The following CPNE4 variants were observed in gnomAD, a reference collection of about 807,000 sequenced individuals.
The protein encoded by CPNE4 is copine-4.
A neutral mutation model predicts 67.9 loss-of-function variants in CPNE4; 25 were observed. The observed-to-expected ratio is 0.37, with a 90% CI of 0.27 to 0.51. CPNE4 has a LOEUF of 0.51. Ranked by LOEUF, CPNE4 falls within the 20% of genes least tolerant of loss-of-function variation. The pLI is 0.93. For synonymous variants in CPNE4, 242 were observed against 244.9 expected (o/e 0.99, Z 0.11); for missense variants, 464 against 690.8 (o/e 0.67, Z 3.68).
At chr3:131,785,866 C>T (rs1223900887) in intron 2 of CPNE4, among the ~76,000 whole-genome samples, 1 of 152,080 alleles carries the variant, frequency 6.6e-6, no homozygotes, top group East Asian at 1.9e-4. Flanking sequence ...TTCTAGGATA[C>T]ATGTTTTATA....
chr3:131,685,789 C>T, intron 6 of CPNE4, 86 bp downstream of exon 6: 1 of 892,648 alleles, frequency 1.1e-6, no homozygotes, highest in Non-Finnish European at 1.8e-6. Context: ...TCAACACACA[C>T]ACACACACAA....
intron 1 of CPNE4, among the ~76,000 whole-genome samples, chr3:131,965,892 A>C (rs1053520912): frequency 2.0e-5 from 3 of 152,190 alleles, no homozygotes; most frequent in Non-Finnish European, 2.9e-5. Flanking sequence ...ACATCTACAG[A>C]ACTCTCCACT....
chr3:132,002,404 T>C (rs1307871992), intron 1 of CPNE4, among the ~76,000 whole-genome samples: 2 of 152,188 alleles, frequency 1.3e-5, no homozygotes, highest in Non-Finnish European at 2.9e-5. Context: ...TCAAGAAGAA[T>C]ACAAGGCAGT....
At chr3:131,575,253 T>TGATGTC in intron 9 of CPNE4, 123 bp from the exon 10 acceptor site, 1 of 763,108 alleles carries the variant, frequency 1.3e-6, no homozygotes, top group Non-Finnish European at 2.2e-6. Flanking sequence ...ACAGACATCA[T>TGATGTC]TGAAAAAAGA....
intron 1 of CPNE4, among the ~76,000 whole-genome samples, chr3:131,950,149 G>A (rs2071680097): frequency 6.6e-6 from 1 of 152,096 alleles, no homozygotes; most frequent in Admixed American, 6.6e-5. Flanking sequence ...AAAAACTTCT[G>A]GTCACAATAT....
intron 2 of CPNE4, among the ~76,000 whole-genome samples, chr3:131,751,149 T>C (rs2082615061): frequency 1.3e-5 from 2 of 152,290 alleles, no homozygotes; most frequent in South Asian, 4.1e-4. Context: ...TTTACCCTGC[T>C]TGAAGTTTCA....
intron 6 of CPNE4, among the ~76,000 whole-genome samples, chr3:131,682,155 T>A (rs929438082): frequency 6.6e-6 from 1 of 152,138 alleles, no homozygotes; most frequent in Non-Finnish European, 1.5e-5. Context: ...GTTTGTTTGT[T>A]GAGGGCATGT....
chr3:131,907,343 C>A (rs1386749614), intron 1 of CPNE4, among the ~76,000 whole-genome samples: 1 of 152,158 alleles, frequency 6.6e-6, no homozygotes, highest in Non-Finnish European at 1.5e-5. Flanking sequence ...ATTTCTTCAT[C>A]TATAAAATGG....
At chr3:131,963,583 G>C (rs112595455) in intron 1 of CPNE4, among the ~76,000 whole-genome samples, 4 of 152,326 alleles carry the variant, frequency 2.6e-5, no homozygotes, top group African/African-American at 9.6e-5. Flanking sequence ...ACTGAGGCTT[G>C]AGTAGGTGGT....
chr3:131,958,241 T>C (rs1028937908), intron 1 of CPNE4, among the ~76,000 whole-genome samples: 4 of 152,198 alleles, frequency 2.6e-5, no homozygotes, highest in African/African-American at 4.8e-5. Flanking sequence ...GAGCAATAAA[T>C]AGCTCAGAGA....
intron 1 of CPNE4, among the ~76,000 whole-genome samples, chr3:131,909,598 A>C (rs758201688): frequency 5.9e-5 from 9 of 152,166 alleles, no homozygotes; most frequent in Admixed American, 6.6e-5. Flanking sequence ...AATGTAAAAA[A>C]AAATAATGTA....
At chr3:131,641,060 G>A (rs1261558771) in intron 7 of CPNE4, among the ~76,000 whole-genome samples, 1 of 151,974 alleles carries the variant, frequency 6.6e-6, no homozygotes, top group Admixed American at 6.6e-5. Flanking sequence ...AATCCATGAG[G>A]ACTGTAGAAG....
intron 2 of CPNE4, among the ~76,000 whole-genome samples, chr3:131,801,832 G>C (rs866277315): frequency 8.0e-6 from 1 of 124,818 alleles, no homozygotes; most frequent in African/African-American, 3.0e-5. Context: ...ACATTGCCTA[G>C]TGGCAATGCC....
Position 131,588,840 on chromosome 3 carries a change from C to G in CPNE4, c.682-1258G>C, listed in dbSNP as rs78048152. 6.4e-3 allele frequency among the ~76,000 whole-genome samples: 980 copies of G among 152,304 alleles called. 12 individuals are homozygous for G. The highest frequency in any genetic ancestry group is 0.023 in the African/African-American group (937 of 41,550). ...TATGGCTTGACTCCAGCACTTCTGT[C>G]TATTCCTACTGCTCCTTCTCATCTG... On this transcript the variant is annotated intron_variant, in intron 7 of 15. Coordinates refer to ENST00000429747, the MANE Select transcript of CPNE4 (RefSeq NM_130808.3).
intron 10 of CPNE4, among the ~76,000 whole-genome samples, chr3:131,567,779 C>T (rs922761556): frequency 1.3e-5 from 2 of 151,834 alleles, no homozygotes; most frequent in African/African-American, 2.4e-5. Flanking sequence ...AGGGAATGGC[C>T]AGGTTTTGAG....
At chr3:131,596,449 C>T (rs1938862726) in intron 7 of CPNE4, among the ~76,000 whole-genome samples, 1 of 125,170 alleles carries the variant, frequency 8.0e-6, no homozygotes, top group Admixed American at 7.4e-5. Flanking sequence ...GGTGAAACCC[C>T]GTCTCTACTA....
chr3:131,844,668 T>C (rs1026182916), intron 2 of CPNE4, among the ~76,000 whole-genome samples: 1 of 152,228 alleles, frequency 6.6e-6, no homozygotes, highest in African/African-American at 2.4e-5. Flanking sequence ...ATTAACATAT[T>C]ACTAGTTACT....
At chr3:131,929,502 T>TA (rs1000837328) in intron 1 of CPNE4, among the ~76,000 whole-genome samples, 2 of 152,076 alleles carry the variant, frequency 1.3e-5, no homozygotes, top group Non-Finnish European at 2.9e-5. Flanking sequence ...GGGAAATACA[T>TA]AAAAAATCAG....
rs139988069 is a variant in CPNE4, at chr3:131,835,546, G to T, written c.180+69718C>A. Among the ~76,000 whole-genome samples the T allele has an allele frequency of 3.3e-4, 50 of 151,860 alleles. No homozygotes were observed. The East Asian group carries it at 9.5e-3, about 29-fold the overall frequency. ...TCCATCTCAAAAAAAAAAAGTCCCA[G>T]GAAAAACCTGTTTCCTCCATTCAGA... On this transcript the variant is annotated intron_variant, in intron 2 of 15. Coordinates refer to ENST00000429747, the MANE Select transcript of CPNE4 (RefSeq NM_130808.3).
Sources: allele counts gnomAD v4.1 joint callset (sites outside exome capture counted in the v4.1 genomes callset), GRCh38; gene constraint gnomAD v4.1.1; transcripts MANE v1.5; gene names NCBI Gene and HGNC (gene_info 2026-07-23, HGNC 2026-07-21).